METTL2B: variants seen among roughly 807,000 people sequenced by gnomAD.
METTL2B encodes tRNA N(3)-cytidine methyltransferase METTL2B.
A neutral mutation model predicts 51.0 loss-of-function variants in METTL2B; 28 were observed. That is an observed-to-expected ratio of 0.55 (90% CI 0.41 to 0.75). METTL2B has a LOEUF of 0.75. METTL2B is among the 30% of genes least tolerant of loss of function. METTL2B has a pLI of 0.00. For missense variants in METTL2B, 313 were observed against 460.7 expected (o/e 0.68, Z 2.93); for synonymous variants, 128 against 166.3 (o/e 0.77, Z 1.77).
intron 2 of METTL2B, 78 bp downstream of exon 2, chr7:128,477,251 C>T: frequency 1.9e-6 from 3 of 1,577,334 alleles, no homozygotes; most frequent in South Asian, 2.3e-5. Context: ...GCCAGGGAAC[C>T]GCGGCCGCCC....
chr7:128,484,662 G>A (rs1187147078), intron 4 of METTL2B, among the ~76,000 whole-genome samples: 1 of 151,830 alleles, frequency 6.6e-6, no homozygotes, highest in Non-Finnish European at 1.5e-5. Flanking sequence ...GCACGATCTT[G>A]GCTCACTGCA....
chr7:128,486,793 T>G (rs748628593), intron 4 of METTL2B, among the ~76,000 whole-genome samples: 2 of 152,098 alleles, frequency 1.3e-5, no homozygotes, highest in Admixed American at 6.5e-5. Flanking sequence ...GGTGTGGTGG[T>G]GCGCACCTGT....
intron 6 of METTL2B, among the ~76,000 whole-genome samples, chr7:128,496,325 G>A (rs1315309836): frequency 6.6e-6 from 1 of 152,162 alleles, no homozygotes; most frequent in Non-Finnish European, 1.5e-5. Flanking sequence ...TGGAAGGAGT[G>A]CTTGAAGCCA....
chr7:128,499,101 A>G (rs1266983765), intron 7 of METTL2B, among the ~76,000 whole-genome samples: 1 of 152,204 alleles, frequency 6.6e-6, no homozygotes. Flanking sequence ...GTAAGAAGGA[A>G]TATTTTCAGT....
intron 8 of METTL2B, chr7:128,501,461 T>C: frequency 1.0e-6 from 1 of 985,452 alleles, no homozygotes; most frequent in Non-Finnish European, 1.2e-6. Flanking sequence ...ACCTCTTTCC[T>C]AAAGCAATTG....
rs1793106581 is a variant in METTL2B, at chr7:128,505,306, TATTGA to T, written c.*3394_*3398del. The T allele has an allele frequency of 6.6e-6, 1 of 152,172 alleles. No individual in the cohort carries two copies. Among genetic ancestry groups the T allele is most frequent in the African/African-American group, 2.4e-5 (1 of 41,444 alleles). The allele number at this position is 152,172 out of a possible 1,614,324, so 9.4% of individuals were successfully genotyped here. On this transcript the variant is annotated 3_prime_UTR_variant, in exon 9 of 9. Coordinates refer to ENST00000262432, the MANE Select transcript of METTL2B (RefSeq NM_018396.3). ...AAAAAATGTAAAAAATAAATAATTG[TATTGA>T]ATTTATTAGTTGTGTCTCAGTCTCC...
chr7:128,484,189 T>G (rs1271243406), intron 4 of METTL2B: 4 of 145,932 alleles, frequency 2.7e-5, no homozygotes, highest in Non-Finnish European at 6.0e-5. Context: ...CCTTTTTATG[T>G]TTCTTGAGTT....
Position 128,493,892 on chromosome 7 carries a change from G to C in METTL2B, c.758G>C (p.Ser253Thr). 1.2e-6 allele frequency: 2 copies of C among 1,611,532 alleles called. No individual in the cohort carries two copies. The highest frequency in any genetic ancestry group is 1.7e-6 in the Non-Finnish European group (2 of 1,179,164). The change falls in exon 6 of 9, where the codon AGT becomes ACT. Residue 253 changes from serine (S) to threonine (T), a missense_variant. This residue lies in a region of METTL2B where 138 missense variants were observed against 187.6 expected (regional missense o/e 0.74). Transcript: ENST00000262432. ...AAGAGTTACCCAGTGCCCAAGGGCA[G>C]TCTTGATATTATCATTCTCATATTT... ...EEKSYPVPKGSLDIIILIFVL... is the reference protein window; with the variant it reads ...EEKSYPVPKGTLDIIILIFVL...
intron 5 of METTL2B, among the ~76,000 whole-genome samples, chr7:128,491,127 C>G (rs1371381891): frequency 2.2e-5 from 3 of 135,396 alleles, no homozygotes; most frequent in Non-Finnish European, 4.6e-5. Flanking sequence ...TGCACTCCAG[C>G]CTGGGTGACA....
intron 4 of METTL2B, chr7:128,484,217 C>CTTTTTTTTTTGTTGTTTTGTTTTTTT (rs1563027608): frequency 2.4e-5 from 1 of 42,414 alleles, no homozygotes; most frequent in African/African-American, 1.0e-4. Context: ...TGCCTAGATC[C>CTTTTTTTTTTGTTGTTTTGTTTTTTT]TTTTTTTTTT....
At chr7:128,499,413 C>T (rs1792985287) in intron 7 of METTL2B, among the ~76,000 whole-genome samples, 2 of 152,062 alleles carry the variant, frequency 1.3e-5, no homozygotes, top group South Asian at 4.1e-4. Flanking sequence ...AGCGCAATGG[C>T]GCGATCTCGG....
chr7:128,491,336 CTG>C (rs1792826243), intron 5 of METTL2B, among the ~76,000 whole-genome samples: 1 of 151,802 alleles, frequency 6.6e-6, no homozygotes, highest in African/African-American at 2.4e-5. Context: ...TGGTTCATGC[CTG>C]TAATCCCAGC....
intron 7 of METTL2B, 23 bp from the exon 8 acceptor site, chr7:128,500,880 A>C: frequency 6.2e-7 from 1 of 1,613,566 alleles, no homozygotes; most frequent in Non-Finnish European, 8.5e-7. Context: ...AGTGTCTCTG[A>C]TTTTTAATAC....
chr7:128,480,571 T>G (rs915142148), intron 3 of METTL2B, 76 bp from the exon 4 acceptor site: 1 of 1,606,776 alleles, frequency 6.2e-7, no homozygotes, highest in African/African-American at 1.3e-5. Context: ...TGTTGATTAT[T>G]ATTTTTCTAG....
At chr7:128,486,181 C>T (rs1195212889) in intron 4 of METTL2B, among the ~76,000 whole-genome samples, 1 of 151,958 alleles carries the variant, frequency 6.6e-6, no homozygotes, top group African/African-American at 2.4e-5. Flanking sequence ...GTAATCCCAG[C>T]TACTCAGGAA....
At chr7:128,497,509 C>T (rs1792944789) in intron 6 of METTL2B, among the ~76,000 whole-genome samples, 1 of 152,128 alleles carries the variant, frequency 6.6e-6, no homozygotes, top group Non-Finnish European at 1.5e-5. Context: ...GATGGAGTCT[C>T]AGTTACTCTG....
In METTL2B at chr7:128,488,177, A is replaced by G; in HGVS notation, c.669+16A>G. 6.2e-7 allele frequency: 1 copy of G among 1,612,806 alleles called. No individual in the cohort carries two copies. Among genetic ancestry groups the G allele is most frequent in the Non-Finnish European group, 8.5e-7 (1 of 1,179,468 alleles). On this transcript the variant is annotated intron_variant, in intron 5 of 8. Transcript: ENST00000262432. Reference sequence around the variant, plus strand: ...ACTGGTCCAGGTGAGTACGATGGGAAATTACCTATTGGTAATTTCCACTGA... The same window carrying G: ...ACTGGTCCAGGTGAGTACGATGGGAGATTACCTATTGGTAATTTCCACTGA...
In METTL2B at chr7:128,484,956, C is replaced by T. The variant is rs140992505; in HGVS notation, c.609-3145C>T. ...AGTCAACTTCAGGACATTTTCATCA[C>T]CCCAAAAAGAATCCCTATACCCATT... On this transcript the variant is annotated intron_variant, in intron 4 of 8. Transcript: ENST00000262432. 7.1e-4 allele frequency among the ~76,000 whole-genome samples: 108 copies of T among 152,240 alleles called. 1 individual carries two copies. The East Asian group carries it at 0.018, about 25-fold the overall frequency.
intron 4 of METTL2B, among the ~76,000 whole-genome samples, chr7:128,487,755 G>T (rs1227967242): frequency 6.6e-6 from 1 of 152,164 alleles, no homozygotes; most frequent in Non-Finnish European, 1.5e-5. Flanking sequence ...TGTGGAGAAA[G>T]TGCCAAGGTG....
Sources: gnomAD v4.1 joint callset for allele counts (sites outside exome capture counted in the v4.1 genomes callset) on GRCh38, gnomAD v4.1.1 for gene constraint, gnomAD v4.1.1 regional missense constraint, MANE v1.5 for transcripts, NCBI Gene and HGNC (gene_info 2026-07-23, HGNC 2026-07-21) for gene names.